GPM6A: variants seen among roughly 807,000 people sequenced by gnomAD.
GPM6A encodes neuronal membrane glycoprotein M6-a.
GPM6A carries 7 observed loss-of-function variants against 32.1 expected under a neutral mutation model. That is an observed-to-expected ratio of 0.22 (90% CI 0.12 to 0.41). GPM6A has a LOEUF of 0.41. Ranked by LOEUF, GPM6A falls within the 10% of genes least tolerant of loss-of-function variation. GPM6A has a pLI of 1.00. For missense variants in GPM6A, 235 were observed against 347.2 expected (o/e 0.68, Z 2.57); for synonymous variants, 130 against 123.4 (o/e 1.05, Z -0.35).
At chr4:175,748,704 C>T (rs892659892) in intron 1 of GPM6A, among the ~76,000 whole-genome samples, 1 of 152,124 alleles carries the variant, frequency 6.6e-6, no homozygotes, top group Non-Finnish European at 1.5e-5. Context: ...CTGCATTAGT[C>T]CCTAACAAGA....
intron 1 of GPM6A, among the ~76,000 whole-genome samples, chr4:175,751,550 T>C (rs1467825036): frequency 2.0e-5 from 3 of 152,182 alleles, no homozygotes; most frequent in Non-Finnish European, 4.4e-5. Flanking sequence ...CTATCTATAA[T>C]AAGAACACCT....
Position 175,761,030 on chromosome 4 carries a change from C to T in GPM6A, c.37+51161G>A, listed in dbSNP as rs201845540. On this transcript the variant is annotated intron_variant, in intron 1 of 6. Transcript: ENST00000393658. Reference sequence around the variant, plus strand: ...AAAAACTTCTAAGGGAAGTGCTGTTCTTATCCCAGAGTTACTGAGGGAGAA... The same window carrying T: ...AAAAACTTCTAAGGGAAGTGCTGTTTTTATCCCAGAGTTACTGAGGGAGAA... 5.9e-5 allele frequency among the ~76,000 whole-genome samples: 9 copies of T among 152,196 alleles called. No individual in the cohort carries two copies. In the East Asian group the frequency reaches 1.7e-3, roughly 29 times the overall value.
intron 1 of GPM6A, among the ~76,000 whole-genome samples, chr4:176,000,267 G>C (rs1021441885): frequency 6.6e-6 from 1 of 152,128 alleles, no homozygotes; most frequent in Non-Finnish European, 1.5e-5. Context: ...TCCACTTCTG[G>C]CAGTAGAAGG....
chr4:175,644,615 C>A (rs1741348289), intron 4 of GPM6A, among the ~76,000 whole-genome samples: 1 of 151,764 alleles, frequency 6.6e-6, no homozygotes, highest in African/African-American at 2.4e-5. Context: ...ATTTGAAAAC[C>A]TGATTATTTT....
At chr4:175,769,010 G>A (rs1198053329) in intron 1 of GPM6A, among the ~76,000 whole-genome samples, 1 of 152,046 alleles carries the variant, frequency 6.6e-6, no homozygotes, top group Non-Finnish European at 1.5e-5. Flanking sequence ...CAGGAGAATG[G>A]CTTGAACCCG....
chr4:175,733,003 G>T (rs942662980), intron 1 of GPM6A, among the ~76,000 whole-genome samples: 1 of 152,132 alleles, frequency 6.6e-6, no homozygotes, highest in Non-Finnish European at 1.5e-5. Flanking sequence ...CACAACCACC[G>T]AGTGTGGGAC....
chr4:175,890,474 A>G (rs1031361454), intron 1 of GPM6A, among the ~76,000 whole-genome samples: 1 of 151,450 alleles, frequency 6.6e-6, no homozygotes, highest in East Asian at 1.9e-4. Flanking sequence ...AGCAAACTGA[A>G]TATGTTTAGA....
chr4:175,717,389 G>A (rs2111106773), intron 1 of GPM6A, among the ~76,000 whole-genome samples: 1 of 152,216 alleles, frequency 6.6e-6, no homozygotes, highest in Non-Finnish European at 1.5e-5. Context: ...GAATTCTCTT[G>A]ATCATAATAT....
chr4:175,768,727 C>T (rs139746706), intron 1 of GPM6A, among the ~76,000 whole-genome samples: 66 of 152,226 alleles, frequency 4.3e-4, no homozygotes, highest in African/African-American at 1.5e-3. Flanking sequence ...AACTATCTGG[C>T]ACTATGTATC....
chr4:175,675,471 A>T (rs556826060), intron 2 of GPM6A, among the ~76,000 whole-genome samples: 2 of 152,270 alleles, frequency 1.3e-5, no homozygotes, highest in East Asian at 3.9e-4. Flanking sequence ...AAGTTAATAC[A>T]GCACCAATAT....
intron 1 of GPM6A, chr4:175,807,477 A>C (rs1444197342): frequency 6.6e-6 from 1 of 152,186 alleles, no homozygotes; most frequent in African/African-American, 2.4e-5. Flanking sequence ...GAGTAGCTGA[A>C]AGATGGGGCA....
At chr4:175,664,195 G>A (rs1742604223) in intron 3 of GPM6A, among the ~76,000 whole-genome samples, 1 of 152,142 alleles carries the variant, frequency 6.6e-6, no homozygotes, top group South Asian at 2.1e-4. Flanking sequence ...GGGTGAGGGA[G>A]GGATGAATGG....
intron 1 of GPM6A, among the ~76,000 whole-genome samples, chr4:175,992,091 C>CACAG (rs1561026199): frequency 1.8e-4 from 27 of 151,440 alleles, no homozygotes; most frequent in Admixed American, 6.6e-4. Context: ...CACACACACA[C>CACAG]AGAGATGTAA....
intron 1 of GPM6A, among the ~76,000 whole-genome samples, chr4:175,721,115 T>A (rs937156762): frequency 1.5e-4 from 21 of 142,088 alleles, no homozygotes; most frequent in Non-Finnish European, 2.8e-4. Context: ...ATATATATAT[T>A]TTCTATTTTT....
chr4:175,954,048 T>C (rs144627568), intron 1 of GPM6A, among the ~76,000 whole-genome samples: 23 of 152,336 alleles, frequency 1.5e-4, no homozygotes, highest in African/African-American at 5.1e-4. Flanking sequence ...ATTTGTTCAA[T>C]TACATGTCCT....
chr4:175,651,821 A>G lies in GPM6A; in HGVS notation c.541+13T>C, dbSNP rs745605782. 18 of 1,606,980 alleles carry G rather than the reference A, an allele frequency of 1.1e-5. No homozygotes were observed. In the African/African-American group the frequency reaches 2.1e-4, roughly 19 times the overall value. On this transcript the variant is annotated intron_variant, in intron 4 of 6. Coordinates refer to ENST00000393658, the MANE Select transcript of GPM6A (RefSeq NM_201591.3). The stretch of plus-strand genomic sequence containing the variant: ...ATGGTGTTTTACAGTTTAGAGATCC[A>G]ATATCCACTTACCAAACTGACGAAG...
In GPM6A at chr4:175,787,461, A is replaced by AT. The variant is rs372243559; in HGVS notation, c.37+24729dup. ...TTAACATTCTGTTTCGTGTTCTGAG[A>AT]TTTTTTCTAAATTGTTTTTTTAAGT... is the stretch of plus-strand genomic sequence containing the variant. On this transcript the variant is annotated intron_variant, in intron 1 of 6. Transcript: ENST00000393658. The AT allele has an allele frequency of 7.4e-5, 110 of 1,493,256 alleles. No homozygotes were observed. The African/African-American group carries it at 1.2e-3, about 17-fold the overall frequency. 92.5% of individuals were successfully genotyped at this position (1,493,256 alleles called of 1,614,324 possible). A position where few individuals can be genotyped will look rare whatever the true frequency, so the allele number is the denominator to read the frequency against.
At chr4:175,958,732 C>T (rs1478932985) in intron 1 of GPM6A, among the ~76,000 whole-genome samples, 1 of 152,166 alleles carries the variant, frequency 6.6e-6, no homozygotes, top group Non-Finnish European at 1.5e-5. Flanking sequence ...TCTGTGTTAT[C>T]TACATTGCCA....
chr4:175,858,087 T>C (rs573365323), intron 1 of GPM6A, among the ~76,000 whole-genome samples: 1 of 152,278 alleles, frequency 6.6e-6, no homozygotes, highest in South Asian at 2.1e-4. Flanking sequence ...AGAGGTAGGC[T>C]ATGTAAATAG....
Sources: gnomAD v4.1 joint callset for allele counts (sites outside exome capture counted in the v4.1 genomes callset) on GRCh38, gnomAD v4.1.1 for gene constraint, MANE v1.5 for transcripts, NCBI Gene and HGNC (gene_info 2026-07-23, HGNC 2026-07-21) for gene names.